The following HSD17B11 variants were observed in gnomAD, a reference collection of about 807,000 sequenced individuals.
HSD17B11 encodes estradiol 17-beta-dehydrogenase 11.
HSD17B11 carries 22 observed loss-of-function variants against 27.8 expected under a neutral mutation model. That is an observed-to-expected ratio of 0.79 (90% CI 0.56 to 1.13). The LOEUF is 1.13. Ranked by LOEUF, HSD17B11 falls within the 50% of genes most tolerant of loss-of-function variation. HSD17B11 has a pLI of 0.00. For synonymous variants in HSD17B11, 117 were observed against 132.8 expected (o/e 0.88, Z 0.82); for missense variants, 314 against 351.1 (o/e 0.89, Z 0.84).
At chr4:87,369,432 C>CTTT (rs764707419) in intron 4 of HSD17B11, among the ~76,000 whole-genome samples, 1 of 141,106 alleles carries the variant, frequency 7.1e-6, no homozygotes, top group Non-Finnish European at 1.5e-5. Flanking sequence ...ATTCCAAATT[C>CTTT]TTTTTTTTTT....
chr4:87,376,547 CA>C (rs2110127183), intron 2 of HSD17B11, among the ~76,000 whole-genome samples: 1 of 123,594 alleles, frequency 8.1e-6, no homozygotes, highest in East Asian at 2.0e-4. Context: ...AAAAAACCCC[CA>C]AAATATAGAA....
chr4:87,357,948 A>ATTTTTTTTTTTTTTTTTTTTTTTTT (rs748955521), intron 4 of HSD17B11, among the ~76,000 whole-genome samples: 1 of 97,316 alleles, frequency 1.0e-5, no homozygotes, highest in Non-Finnish European at 2.0e-5. Flanking sequence ...TCATTAGAGA[A>ATTTTTTTTTTTTTTTTTTTTTTTTT]ATTTTTTTTT....
At chr4:87,345,038 AAGATTGCTTGAGCCCAGG>A (rs1184960834) in intron 5 of HSD17B11, 1 of 152,342 alleles carries the variant, frequency 6.6e-6, no homozygotes, top group Non-Finnish European at 1.5e-5. Flanking sequence ...CTGAGGCAGG[AAGATTGCTTGAGCCCAGG>A]AGTTTGAGAT....
At chr4:87,365,233 G>A (rs955719428) in intron 4 of HSD17B11, among the ~76,000 whole-genome samples, 5 of 152,158 alleles carry the variant, frequency 3.3e-5, no homozygotes, top group African/African-American at 1.2e-4. Flanking sequence ...TATAGTGTAT[G>A]TTTATATATT....
Position 87,379,774 on chromosome 4 carries a change from AT to A in HSD17B11, c.318+2480del, listed in dbSNP as rs1720081275. ...GTATAATATAGTATAACAGTATAAT[AT>A]AGTAATAGTATATTATAGTATAATA... On this transcript the variant is annotated intron_variant, in intron 2 of 6. Coordinates refer to ENST00000358290, the MANE Select transcript of HSD17B11 (RefSeq NM_016245.5). Among the ~76,000 whole-genome samples the A allele has an allele frequency of 4.0e-5, 4 of 100,174 alleles. No homozygotes were observed. In the Admixed American group the frequency reaches 5.1e-4, roughly 13 times the overall value. The allele number at this position is 100,174 out of a possible 152,430, so 65.7% of individuals were successfully genotyped here.
chr4:87,363,843 A>G (rs1735568495), intron 4 of HSD17B11, among the ~76,000 whole-genome samples: 1 of 152,200 alleles, frequency 6.6e-6, no homozygotes, highest in Non-Finnish European at 1.5e-5. Context: ...GATTTAATAT[A>G]TGTGTCTATT....
intron 4 of HSD17B11, 90 bp from the exon 5 acceptor site, chr4:87,357,506 T>A (rs1735409902): frequency 5.6e-6 from 7 of 1,243,124 alleles, no homozygotes; most frequent in Non-Finnish European, 7.6e-6. Flanking sequence ...CAGAGCAATG[T>A]GGGCATTCCC....
intron 1 of HSD17B11, among the ~76,000 whole-genome samples, chr4:87,386,266 A>T (rs1329651899): frequency 6.6e-6 from 1 of 151,226 alleles, no homozygotes; most frequent in Non-Finnish European, 1.5e-5. Context: ...GCAATGGTGC[A>T]ATCTTAGCTC....
At chr4:87,359,380 T>C (rs947015439) in intron 4 of HSD17B11, among the ~76,000 whole-genome samples, 1 of 152,218 alleles carries the variant, frequency 6.6e-6, no homozygotes, top group Non-Finnish European at 1.5e-5. Flanking sequence ...TTGGAGTTTT[T>C]TGGGGAGTCT....
At chr4:87,340,928 T>G (rs1334253466) in intron 5 of HSD17B11, among the ~76,000 whole-genome samples, 1 of 152,202 alleles carries the variant, frequency 6.6e-6, no homozygotes, top group East Asian at 1.9e-4. Flanking sequence ...TAACTAAGAT[T>G]CAAATATAAT....
intron 3 of HSD17B11, among the ~76,000 whole-genome samples, chr4:87,373,999 T>C (rs557531749): frequency 8.7e-4 from 132 of 152,262 alleles, no homozygotes; most frequent in African/African-American, 3.1e-3. Flanking sequence ...TTTGCAATTT[T>C]AGGGCCAGGA....
chr4:87,385,450 T>C (rs1229905678), intron 1 of HSD17B11, among the ~76,000 whole-genome samples: 1 of 152,098 alleles, frequency 6.6e-6, no homozygotes, highest in Non-Finnish European at 1.5e-5. Flanking sequence ...TATATTGTTT[T>C]AATGGGTACA....
intron 4 of HSD17B11, chr4:87,365,880 G>A (rs767888990): frequency 6.6e-6 from 1 of 151,450 alleles, no homozygotes; most frequent in Non-Finnish European, 1.5e-5. Context: ...TTTTTAGATG[G>A]AGTTTTGTTC....
At chr4:87,338,456 GATA>G (rs895059005) in intron 6 of HSD17B11, among the ~76,000 whole-genome samples, 9 of 152,270 alleles carry the variant, frequency 5.9e-5, no homozygotes, top group African/African-American at 1.7e-4. Context: ...TTAGGGCAAT[GATA>G]ATAATAATAG....
At chr4:87,379,301 T>C (rs1164740217) in intron 2 of HSD17B11, among the ~76,000 whole-genome samples, 4 of 150,858 alleles carry the variant, frequency 2.7e-5, no homozygotes, top group African/African-American at 7.3e-5. Context: ...CCAGCAGATA[T>C]ATTTCTATAA....
intron 4 of HSD17B11, among the ~76,000 whole-genome samples, chr4:87,363,851 A>G (rs770101622): frequency 2.0e-5 from 3 of 152,188 alleles, no homozygotes; most frequent in Non-Finnish European, 4.4e-5. Flanking sequence ...ATATGTGTCT[A>G]TTCTCTTCTC....
intron 4 of HSD17B11, among the ~76,000 whole-genome samples, chr4:87,370,749 A>ATT (rs1401448001): frequency 2.2e-3 from 14 of 6,478 alleles, no homozygotes; most frequent in Non-Finnish European, 2.8e-3. Context: ...TATTATTATT[A>ATT]TTATTATTTT....
rs11305478 is a variant in HSD17B11 at position 87,354,949 on chromosome 4, CAA to C, written c.695+2328_695+2329del. 8.4e-3 allele frequency among the ~76,000 whole-genome samples: 775 copies of C among 91,922 alleles called. 7 individuals carry two copies. The highest frequency in any genetic ancestry group is 0.027 in the African/African-American group (635 of 23,198). The allele number at this position is 91,922 out of a possible 152,430, so 60.3% of individuals were successfully genotyped here. A position where few individuals can be genotyped will look rare whatever the true frequency, so the allele number is the denominator to read the frequency against. ...GGGCAAACAGCAAAATCCTGGCTCT[CAA>C]AAAAAAAAAAAAAAAAAAAAATTAG... On this transcript the variant is annotated intron_variant, in intron 5 of 6. Coordinates refer to ENST00000358290, the MANE Select transcript of HSD17B11 (RefSeq NM_016245.5).
At chr4:87,377,236 G>C (rs1404910396) in intron 2 of HSD17B11, among the ~76,000 whole-genome samples, 3 of 152,176 alleles carry the variant, frequency 2.0e-5, no homozygotes, top group Admixed American at 6.5e-5. Flanking sequence ...TGGATCATGA[G>C]GTCAGGAGTT....
Sources: gnomAD v4.1 joint callset for allele counts (sites outside exome capture counted in the v4.1 genomes callset) on GRCh38, gnomAD v4.1.1 for gene constraint, MANE v1.5 for transcripts, NCBI Gene and HGNC (gene_info 2026-07-23, HGNC 2026-07-21) for gene names.